Variants in ANK3 observed in about 807,000 individuals in gnomAD.
ANK3 encodes the protein ankyrin 3.
ANK3 carries 57 observed loss-of-function variants against 370.9 expected under a neutral mutation model. The ratio of observed to expected loss-of-function variants is 0.15; its 90% CI spans 0.12 to 0.19. ANK3 has a LOEUF of 0.19. Among genes scored for constraint, ANK3 ranks in the 10% least tolerant of loss-of-function variants. The probability of loss-of-function intolerance (pLI) is 1.00; values close to 1 mark genes in which losing one functional copy is unlikely to be tolerated. For synonymous variants in ANK3, 1,929 were observed against 1,946.3 expected, an observed-to-expected ratio of 0.99 and a Z score of 0.23; for missense variants, 4,439 against 5,302.1, an observed-to-expected ratio of 0.84 and a Z score of 5.06.
intron 2 of ANK3, among the ~76,000 whole-genome samples, chr10:60,428,954 AG>A (rs1480682695): frequency 6.6e-6 from 1 of 152,206 alleles, no homozygotes; most frequent in Non-Finnish European, 1.5e-5. Flanking sequence ...TTCAGGAATA[AG>A]GGCTGCTTAT....
chr10:60,043,440 G>C lies in ANK3; in HGVS notation c.13066-681C>G, dbSNP rs1352641987. 7.1e-6 allele frequency: 7 copies of C among 984,404 alleles called. No individual in the cohort carries two copies. In the East Asian group the frequency reaches 6.8e-4, roughly 96 times the overall value. The allele number at this position is 984,404 out of a possible 1,614,324, so 61.0% of individuals were successfully genotyped here. On this transcript the variant is annotated intron_variant, in intron 42 of 43. Transcript: ENST00000280772. ...AAGTTTCTATTTTTAAATTGAAAAGGGTAGAGATCTGAGAAACAAGTGAAA... is the reference window on the plus strand; with the variant it reads ...AAGTTTCTATTTTTAAATTGAAAAGCGTAGAGATCTGAGAAACAAGTGAAA...
At chr10:60,463,928 C>G (rs1355155090) in intron 2 of ANK3, among the ~76,000 whole-genome samples, 2 of 152,006 alleles carry the variant, frequency 1.3e-5, no homozygotes, top group Non-Finnish European at 1.5e-5. Flanking sequence ...ATTTTTAACT[C>G]TCTGCTGAGG....
intron 2 of ANK3, among the ~76,000 whole-genome samples, chr10:60,573,711 A>G (rs758882790): frequency 1.3e-5 from 2 of 152,212 alleles, no homozygotes; most frequent in Non-Finnish European, 2.9e-5. Flanking sequence ...TGCCAGATAC[A>G]TTCTGATTCA....
chr10:60,059,638 CT>C, intron 40 of ANK3: 1 of 1,537,246 alleles, frequency 6.5e-7, no homozygotes. Context: ...TTTCTAGGCT[CT>C]GCTGGTTTAA....
chr10:60,333,729 T>C (rs924362495), intron 1 of ANK3, among the ~76,000 whole-genome samples: 1 of 152,132 alleles, frequency 6.6e-6, no homozygotes, highest in Non-Finnish European at 1.5e-5. Context: ...CACACTGTCT[T>C]CCACAATGGT....
intron 23 of ANK3, among the ~76,000 whole-genome samples, chr10:60,157,898 G>A (rs1049088742): frequency 0.016 from 2,294 of 143,850 alleles, 62 homozygotes; most frequent in East Asian, 0.072. Flanking sequence ...GAGAGAGAGA[G>A]AGAGAGAGAG....
intron 2 of ANK3, among the ~76,000 whole-genome samples, chr10:60,485,437 T>C (rs1040286365): frequency 6.6e-6 from 1 of 152,174 alleles, no homozygotes; most frequent in African/African-American, 2.4e-5. Context: ...TACAGTCATG[T>C]GGAAGGGATT....
intron 1 of ANK3, among the ~76,000 whole-genome samples, chr10:60,656,442 TA>T (rs200192175): frequency 2.6e-5 from 4 of 151,690 alleles, no homozygotes; most frequent in Admixed American, 6.6e-5. Flanking sequence ...TACTATCTTT[TA>T]AAAAAAAATC....
intron 24 of ANK3, 73 bp downstream of exon 24, chr10:60,138,891 T>C (rs1022713802): frequency 2.5e-6 from 4 of 1,581,150 alleles, no homozygotes; most frequent in Non-Finnish European, 3.4e-6. Flanking sequence ...ATGTGAAAAA[T>C]GAACATGATT....
chr10:60,041,721 T>A (rs2076115848), intron 43 of ANK3, among the ~76,000 whole-genome samples: 1 of 152,172 alleles, frequency 6.6e-6, no homozygotes, highest in Non-Finnish European at 1.5e-5. Flanking sequence ...TTATACTGAA[T>A]AAACAAATGA....
chr10:60,584,722 T>A (rs1384083474), intron 2 of ANK3, among the ~76,000 whole-genome samples: 1 of 152,206 alleles, frequency 6.6e-6, no homozygotes, highest in African/African-American at 2.4e-5. Flanking sequence ...CTGAGACATT[T>A]CTACTGAAGT....
At chr10:60,718,375 T>C (rs116746467) in intron 1 of ANK3, among the ~76,000 whole-genome samples, 117 of 152,300 alleles carry the variant, frequency 7.7e-4, no homozygotes, top group African/African-American at 2.7e-3. Context: ...GGCAAAGTAA[T>C]AATTTAAAAT....
intron 17 of ANK3, among the ~76,000 whole-genome samples, chr10:60,182,452 C>T (rs991486576): frequency 2.0e-4 from 30 of 152,182 alleles, no homozygotes; most frequent in Admixed American, 1.8e-3. Context: ...TAAAAAACCT[C>T]TTTAAATTGT....
chr10:60,624,829 G>A (rs1302153532), intron 1 of ANK3, among the ~76,000 whole-genome samples: 1 of 151,688 alleles, frequency 6.6e-6, no homozygotes, highest in Non-Finnish European at 1.5e-5. Flanking sequence ...GAAACTTAAA[G>A]GAGTTTTCCT....
intron 1 of ANK3, among the ~76,000 whole-genome samples, chr10:60,653,376 T>TTTC (rs1465274810): frequency 1.3e-5 from 2 of 152,084 alleles, no homozygotes; most frequent in Non-Finnish European, 2.9e-5. Flanking sequence ...CCCATACAGA[T>TTTC]TTCCCGTTGT....
At chr10:60,080,430 T>G in intron 36 of ANK3, 107 bp downstream of exon 36, 1 of 973,438 alleles carries the variant, frequency 1.0e-6, no homozygotes, top group Non-Finnish European at 1.6e-6. Context: ...TGCAGGCAAT[T>G]TTTCTTTTGC....
Position 60,335,974 on chromosome 10 carries a change from G to A in ANK3, c.114+53451C>T, listed in dbSNP as rs113316717. 6.2e-3 allele frequency among the ~76,000 whole-genome samples: 940 copies of A among 152,174 alleles called. 8 individuals are homozygous for A. The highest frequency in any genetic ancestry group is 0.022 in the African/African-American group (909 of 41,496). ...ACGAGAATTTTAAGGAGCAATAACCGTAAGTGCCCACTATAATTCAGAAGC... is the reference window on the plus strand; with the variant it reads ...ACGAGAATTTTAAGGAGCAATAACCATAAGTGCCCACTATAATTCAGAAGC... On this transcript the variant is annotated intron_variant, in intron 1 of 43. Transcript: ENST00000280772.
At chr10:60,349,365 G>C (rs2056402524) in intron 1 of ANK3, among the ~76,000 whole-genome samples, 1 of 152,110 alleles carries the variant, frequency 6.6e-6, no homozygotes. Context: ...GCTCTGGCAG[G>C]AAATTCAAAA....
upstream of ANK3, among the ~76,000 whole-genome samples, chr10:60,393,318 C>A (rs191018154): frequency 1.2e-4 from 18 of 152,296 alleles, no homozygotes; most frequent in African/African-American, 4.3e-4. Flanking sequence ...TCCCTGCTTG[C>A]AGCTTTGTTA....
Sources: allele counts gnomAD v4.1 joint callset (sites outside exome capture counted in the v4.1 genomes callset), GRCh38; gene constraint gnomAD v4.1.1; transcripts MANE v1.5; gene names NCBI Gene and HGNC (gene_info 2026-07-23, HGNC 2026-07-21).